AMPH: variants seen among roughly 807,000 people sequenced by gnomAD.
AMPH encodes the protein amphiphysin.
AMPH carries 49 observed loss-of-function variants against 99.1 expected under a neutral mutation model. The observed-to-expected ratio is 0.49, with a 90% CI of 0.39 to 0.63. The LOEUF (loss-of-function observed/expected upper bound fraction) is 0.63, where lower values mean the gene tolerates loss of function less well. AMPH is among the 20% of genes least tolerant of loss of function. The pLI, the probability that AMPH is intolerant of heterozygous loss-of-function variation, is 0.00. For synonymous variants in AMPH, 314 were observed against 317.3 expected (o/e 0.99, Z 0.11); for missense variants, 759 against 863.4 (o/e 0.88, Z 1.52).
intron 5 of AMPH, among the ~76,000 whole-genome samples, chr7:38,480,802 A>C (rs1015295865): frequency 6.6e-6 from 1 of 152,160 alleles, no homozygotes; most frequent in African/African-American, 2.4e-5. Context: ...CTATCCCTTG[A>C]AGCAGTGGCC....
chr7:38,564,850 C>T (rs113275145), intron 1 of AMPH, among the ~76,000 whole-genome samples: 6,262 of 152,166 alleles, frequency 0.041, 154 homozygotes, highest in Middle Eastern at 0.058. Flanking sequence ...ACCGGCCGGG[C>T]GCAGTGGCTC....
chr7:38,625,109 T>C (rs1164236721), intron 1 of AMPH, among the ~76,000 whole-genome samples: 1 of 152,100 alleles, frequency 6.6e-6, no homozygotes, highest in African/African-American at 2.4e-5. Context: ...AACAGGGGAC[T>C]GTTTGAAAGC....
At chr7:38,507,505 T>C (rs555105963) in intron 2 of AMPH, among the ~76,000 whole-genome samples, 9 of 152,316 alleles carry the variant, frequency 5.9e-5, no homozygotes, top group African/African-American at 1.9e-4. Context: ...AAGTAGTTTC[T>C]CCTGTACAAA....
At chr7:38,610,605 T>C (rs931723762) in intron 1 of AMPH, among the ~76,000 whole-genome samples, 1 of 152,050 alleles carries the variant, frequency 6.6e-6, no homozygotes, top group Non-Finnish European at 1.5e-5. Context: ...TTGCACTATC[T>C]ACTAATCTTT....
At chr7:38,440,077 C>A (rs1786445395) in intron 11 of AMPH, among the ~76,000 whole-genome samples, 1 of 152,140 alleles carries the variant, frequency 6.6e-6, no homozygotes, top group Non-Finnish European at 1.5e-5. Flanking sequence ...TAGAGCCTTG[C>A]ATAGCTGCTA....
chr7:38,607,401 T>C (rs1793470861), intron 1 of AMPH, among the ~76,000 whole-genome samples: 1 of 152,220 alleles, frequency 6.6e-6, no homozygotes, highest in East Asian at 1.9e-4. Flanking sequence ...TAAATGTCTA[T>C]TTGGTTATAC....
intron 2 of AMPH, among the ~76,000 whole-genome samples, chr7:38,522,615 T>C (rs114884228): frequency 6.6e-6 from 1 of 151,830 alleles, no homozygotes; most frequent in East Asian, 1.9e-4. Flanking sequence ...AAGGGGAAAG[T>C]GTAGGTGGGT....
Position 38,461,271 on chromosome 7 carries a change from C to A in AMPH, c.1017+12G>T. ...CTTTCATGGACATACCAGCCCTGAACCAGGCACTTACCTGGGAAGGTGTTG... is the reference window on the plus strand; with the variant it reads ...CTTTCATGGACATACCAGCCCTGAAACAGGCACTTACCTGGGAAGGTGTTG... On this transcript the variant is annotated intron_variant, in intron 11 of 20. Coordinates refer to ENST00000356264, the MANE Select transcript of AMPH (RefSeq NM_001635.4). The A allele has an allele frequency of 1.2e-6, 2 of 1,610,920 alleles. No homozygotes were observed. Among genetic ancestry groups the A allele is most frequent in the Non-Finnish European group, 1.7e-6 (2 of 1,179,754 alleles).
intron 2 of AMPH, among the ~76,000 whole-genome samples, chr7:38,525,258 G>GTGTATATATA (rs1173107719): frequency 7.6e-4 from 85 of 111,186 alleles, no homozygotes; most frequent in African/African-American, 3.1e-3. Context: ...GTGTGTGTGT[G>GTGTATATATA]TATATATATA....
At chr7:38,508,412 A>G (rs1181509029) in intron 2 of AMPH, among the ~76,000 whole-genome samples, 1 of 152,278 alleles carries the variant, frequency 6.6e-6, no homozygotes, top group Non-Finnish European at 1.5e-5. Flanking sequence ...TGGTCAGTGT[A>G]GCACTAACTT....
chr7:38,386,956 AG>A (rs1386095554), intron 20 of AMPH, among the ~76,000 whole-genome samples: 1 of 152,144 alleles, frequency 6.6e-6, no homozygotes, highest in Non-Finnish European at 1.5e-5. Context: ...CTGTACACTC[AG>A]GGGGGTTATC....
intron 1 of AMPH, among the ~76,000 whole-genome samples, chr7:38,629,447 A>G (rs956667793): frequency 3.3e-5 from 5 of 152,158 alleles, no homozygotes; most frequent in African/African-American, 1.2e-4. Context: ...AAGACTGACC[A>G]CCATCCACAA....
intron 1 of AMPH, among the ~76,000 whole-genome samples, chr7:38,539,576 A>G (rs1270822888): frequency 1.3e-5 from 2 of 152,158 alleles, no homozygotes; most frequent in African/African-American, 4.8e-5. Context: ...GGCAGGGAAG[A>G]TTGCCTTTGT....
chr7:38,498,849 T>C (rs1789027012), intron 3 of AMPH, among the ~76,000 whole-genome samples: 5 of 152,216 alleles, frequency 3.3e-5, no homozygotes, highest in Admixed American at 3.3e-4. Flanking sequence ...TTTATATAAA[T>C]GCTGCTGCCT....
intron 1 of AMPH, among the ~76,000 whole-genome samples, chr7:38,613,308 A>G (rs1195425788): frequency 6.7e-6 from 1 of 149,438 alleles, no homozygotes; most frequent in Admixed American, 6.8e-5. Context: ...TAGTCCCCTT[A>G]TAGCATCATC....
intron 12 of AMPH, among the ~76,000 whole-genome samples, chr7:38,434,437 C>T (rs1433729167): frequency 1.3e-5 from 2 of 152,098 alleles, no homozygotes; most frequent in African/African-American, 4.8e-5. Context: ...TTTGCATCTG[C>T]CACAAAAGAA....
At chr7:38,572,881 T>C (rs1430462391) in intron 1 of AMPH, among the ~76,000 whole-genome samples, 1 of 152,130 alleles carries the variant, frequency 6.6e-6, no homozygotes, top group Non-Finnish European at 1.5e-5. Flanking sequence ...AGCGTGAGCA[T>C]GGCCTCTGAA....
At chr7:38,561,876 T>G in intron 1 of AMPH, among the ~76,000 whole-genome samples, 1 of 151,784 alleles carries the variant, frequency 6.6e-6, no homozygotes, top group South Asian at 2.1e-4. Flanking sequence ...AAGAAGAGGC[T>G]TCTCACTAGA....
intron 17 of AMPH, among the ~76,000 whole-genome samples, chr7:38,396,905 T>C (rs971865494): frequency 7.2e-5 from 11 of 152,248 alleles, no homozygotes; most frequent in Non-Finnish European, 1.5e-4. Flanking sequence ...TTAAAAACTA[T>C]ACTGAAAGAA....
Sources: gnomAD v4.1 joint callset for allele counts (sites outside exome capture counted in the v4.1 genomes callset) on GRCh38, gnomAD v4.1.1 for gene constraint, MANE v1.5 for transcripts, NCBI Gene and HGNC (gene_info 2026-07-23, HGNC 2026-07-21) for gene names.